UBAP2: variants seen among roughly 807,000 people sequenced by gnomAD.
UBAP2 encodes the protein ubiquitin-associated protein 2.
In UBAP2, 75 loss-of-function variants were observed where a neutral mutation model predicts 139.6. The ratio of observed to expected loss-of-function variants is 0.54; its 90% confidence interval spans 0.45 to 0.65. UBAP2 has a LOEUF of 0.65. Among genes scored for constraint, UBAP2 ranks in the 30% least tolerant of loss-of-function variants. The pLI, the probability that UBAP2 is intolerant of heterozygous loss-of-function variation, is 0.00. For missense variants in UBAP2, 1,368 were observed against 1,369.6 expected (o/e 1.00, Z 0.02); for synonymous variants, 526 against 526.2 (o/e 1.00, Z 0.01).
chr9:33,959,642 T>TA (rs1826867037), intron 10 of UBAP2, among the ~76,000 whole-genome samples: 1 of 152,194 alleles, frequency 6.6e-6, no homozygotes, highest in Non-Finnish European at 1.5e-5. Context: ...AAGCAGAACT[T>TA]ATAGACTGAC....
chr9:33,922,722 G>T lies in UBAP2; in HGVS notation c.3229C>A (p.Gln1077Lys). The change falls in exon 28 of 29, where the codon CAG becomes AAG. Residue 1077 changes from glutamine to lysine, a missense_variant. Physicochemically the swap from Gln to Lys is moderately conservative, Grantham distance 53. Coordinates refer to ENST00000379238, the MANE Select transcript of UBAP2 (RefSeq NM_001370062.2). ...TGCGGAAGGTGGTGGTGCAGCAGCT[G>T]TGAGTGGGGCTGCTGGTGGGCTGGC... ...ILPAHQQPHS[Q>K]LLHHHLPQDA... 1 of 1,551,692 alleles carries T rather than the reference G, an allele frequency of 6.4e-7. No individual in the cohort carries two copies. The highest frequency in any genetic ancestry group is 8.7e-7 in the Non-Finnish European group (1 of 1,149,814).
At chr9:34,027,670 A>G (rs1009751253) in intron 1 of UBAP2, among the ~76,000 whole-genome samples, 6 of 150,682 alleles carry the variant, frequency 4.0e-5, no homozygotes, top group African/African-American at 1.5e-4. Context: ...ATCCTGGCTA[A>G]CACGGCGAAA....
chr9:33,994,347 G>A (rs1175745917), intron 4 of UBAP2: 1 of 152,058 alleles, frequency 6.6e-6, no homozygotes, highest in Admixed American at 6.5e-5. Context: ...TAAATCTGCT[G>A]GAGCTAAAGG....
In UBAP2 at chr9:33,926,205, C is replaced by T. The variant is rs1213224539; in HGVS notation, c.2511+412G>A. Among the ~76,000 whole-genome samples, 3 of 152,142 alleles carry T rather than the reference C, an allele frequency of 2.0e-5. No individual in the cohort carries two copies. In the East Asian group the frequency reaches 5.8e-4, roughly 29 times the overall value. Reference sequence around the variant, plus strand: ...AGAGCAGTCACTGGCCATCTCAGACCAAAGACACTATATGGTACTCTGAGG... The same window carrying T: ...AGAGCAGTCACTGGCCATCTCAGACTAAAGACACTATATGGTACTCTGAGG... On this transcript the variant is annotated intron_variant, in intron 22 of 28. Transcript: ENST00000379238.
chr9:34,038,124 C>A (rs568959420), intron 1 of UBAP2, among the ~76,000 whole-genome samples: 9 of 135,896 alleles, frequency 6.6e-5, no homozygotes, highest in Non-Finnish European at 1.2e-4. Context: ...TAGGATTGCA[C>A]CACTGCACTC....
intron 2 of UBAP2, among the ~76,000 whole-genome samples, chr9:34,007,633 G>T: frequency 6.7e-6 from 1 of 148,316 alleles, no homozygotes. Flanking sequence ...TTTTGTCCTT[G>T]TATGTTTTAT....
At chr9:33,964,541 A>G (rs1827305608) in intron 8 of UBAP2, among the ~76,000 whole-genome samples, 1 of 151,876 alleles carries the variant, frequency 6.6e-6, no homozygotes, top group African/African-American at 2.4e-5. Flanking sequence ...CAGTTCTTCC[A>G]CACTGTGTGG....
rs1010348312 is a variant in UBAP2 at position 34,048,197 on chromosome 9, T to C, written c.-42+628A>G. Reference sequence around the variant, plus strand: ...TATGTATTATTAACAGAGAGAGCTTTGCCGTTTACAAAGCGCTCAAAAACC... The same window carrying C: ...TATGTATTATTAACAGAGAGAGCTTCGCCGTTTACAAAGCGCTCAAAAACC... On this transcript the variant is annotated intron_variant, in intron 1 of 28. Coordinates refer to ENST00000379238, the MANE Select transcript of UBAP2 (RefSeq NM_001370062.2). Among the ~76,000 whole-genome samples the C allele has an allele frequency of 5.9e-5, 9 of 152,318 alleles. No homozygotes were observed. In the South Asian group the frequency reaches 1.7e-3, roughly 28 times the overall value.
chr9:33,969,414 G>A (rs1437963607), intron 8 of UBAP2, among the ~76,000 whole-genome samples: 3 of 152,082 alleles, frequency 2.0e-5, no homozygotes, highest in African/African-American at 7.2e-5. Flanking sequence ...CAGTGCAGTG[G>A]TGTGTGCCAT....
At chr9:33,944,271 CT>C in intron 14 of UBAP2, 93 bp downstream of exon 14, 1 of 1,506,116 alleles carries the variant, frequency 6.6e-7, no homozygotes, top group Non-Finnish European at 9.0e-7. Context: ...TTGAAAAACA[CT>C]GTACCCCAGT....
chr9:34,000,765 A>C (rs1261306408), intron 2 of UBAP2, among the ~76,000 whole-genome samples: 3 of 152,214 alleles, frequency 2.0e-5, no homozygotes, highest in African/African-American at 4.8e-5. Context: ...TTTGCATTTT[A>C]AAGCACTTTT....
chr9:33,943,834 A>G, intron 14 of UBAP2, among the ~76,000 whole-genome samples: 1 of 152,224 alleles, frequency 6.6e-6, no homozygotes, highest in African/African-American at 2.4e-5. Flanking sequence ...TGGGAGGCCA[A>G]GACAGGAGGA....
Position 34,035,514 on chromosome 9 carries a change from A to AATATATATATATATATATAT in UBAP2, c.-42+13310_-42+13311insATATATATATATATATATAT, listed in dbSNP as rs1554692782. 1.4e-3 allele frequency among the ~76,000 whole-genome samples: 32 copies of AATATATATATATATATATAT among 22,480 alleles called. 7 individuals are homozygous for AATATATATATATATATATAT. Among genetic ancestry groups the AATATATATATATATATATAT allele is most frequent in the Admixed American group, 2.1e-3 (3 of 1,446 alleles). 14.7% of individuals were successfully genotyped at this position (22,480 alleles called of 152,430 possible). ...GAGACTCCATCTAAAAAAAAAAAAA[A>AATATATATATATATATATAT]ATATATATATATAAAGATTAGCCAG... On this transcript the variant is annotated intron_variant, in intron 1 of 28. Coordinates refer to ENST00000379238, the MANE Select transcript of UBAP2 (RefSeq NM_001370062.2).
At chr9:34,042,801 A>G (rs1486975342) in intron 1 of UBAP2, among the ~76,000 whole-genome samples, 1 of 151,594 alleles carries the variant, frequency 6.6e-6, no homozygotes, top group Non-Finnish European at 1.5e-5. Context: ...ATATGGGGCC[A>G]GGCATTAAGC....
At chr9:33,970,402 C>G (rs968835426) in intron 8 of UBAP2, among the ~76,000 whole-genome samples, 2 of 151,546 alleles carry the variant, frequency 1.3e-5, no homozygotes, top group Non-Finnish European at 2.9e-5. Flanking sequence ...TATTTTTTGG[C>G]TAGGGTTGAT....
chr9:33,962,429 C>T (rs1827118229), intron 9 of UBAP2, among the ~76,000 whole-genome samples: 2 of 151,790 alleles, frequency 1.3e-5, no homozygotes, highest in African/African-American at 4.8e-5. Context: ...GGGTGGATCA[C>T]GAGGTCAGGA....
intron 4 of UBAP2, among the ~76,000 whole-genome samples, chr9:33,990,944 T>G (rs975760359): frequency 6.6e-6 from 1 of 152,072 alleles, no homozygotes; most frequent in Admixed American, 6.6e-5. Flanking sequence ...GCCTATTTGG[T>G]GCATACTCTT....
rs1408433447 is a variant in UBAP2, at chr9:33,922,770, G to T, written c.3181C>A (p.Pro1061Thr). 1.3e-6 allele frequency: 2 copies of T among 1,560,152 alleles called. No homozygotes were observed. Among genetic ancestry groups the T allele is most frequent in the Non-Finnish European group, 1.7e-6 (2 of 1,153,786 alleles). Residue 1061 changes from proline to threonine, a missense_variant, in exon 28 of 29, where the codon CCC (proline) becomes ACC (threonine). Transcript: ENST00000379238. ...GGCAAGATGTGTAGGAATGGTGGGG[G>T]TGCATAGCCAGGGGCCGCTCCCGAG... Reference protein sequence around the residue: ...LASGAAPGYAPPPFLHILPAH... With the variant: ...LASGAAPGYATPPFLHILPAH...
chr9:33,965,611 G>A (rs1216087341), intron 8 of UBAP2, among the ~76,000 whole-genome samples: 2 of 152,116 alleles, frequency 1.3e-5, no homozygotes, highest in Admixed American at 1.3e-4. Context: ...GGTAATTTTT[G>A]TATACAGTAT....
Sources: allele counts gnomAD v4.1 joint callset (sites outside exome capture counted in the v4.1 genomes callset), GRCh38; gene constraint gnomAD v4.1.1; transcripts MANE v1.5; gene names NCBI Gene and HGNC (gene_info 2026-07-23, HGNC 2026-07-21).